COXFA4L2: variants seen among roughly 807,000 people sequenced by gnomAD.
COXFA4L2 encodes NADH dehydrogenase (ubiquinone) 1 alpha subcomplex, 4-like 2.
the COXFA4L2 span, chr12:57,240,116 C>T: frequency 8.5e-5 from 13 of 152,144 alleles, no homozygotes; most frequent in African/African-American, 3.1e-4. Context: ...GCCCCGGGGC[C>T]CCTGACCCCC....
the COXFA4L2 span, chr12:57,236,564 C>G: frequency 6.5e-7 from 1 of 1,536,592 alleles, no homozygotes. Flanking sequence ...CACCCAGGCC[C>G]CCGTGAGCAT....
the COXFA4L2 span, chr12:57,235,518 G>C: frequency 6.3e-7 from 1 of 1,599,702 alleles, no homozygotes; most frequent in South Asian, 1.1e-5. Context: ...GAAGTGGATG[G>C]GCTGGCTGGC....
the COXFA4L2 span, chr12:57,235,639 G>T: frequency 6.8e-6 from 11 of 1,613,994 alleles, no homozygotes; most frequent in South Asian, 1.2e-4. Flanking sequence ...GAGGGAAAGG[G>T]GGTTGCGCTG....
At chr12:57,238,435 G>A in the COXFA4L2 span, among the ~76,000 whole-genome samples, 311 of 152,232 alleles carry the variant, frequency 2.0e-3, 2 homozygotes, top group African/African-American at 7.1e-3. This position sits in a 1 kb window ranked among gnomAD's most constrained non-coding sequence, Gnocchi z 6.8. Flanking sequence ...GGGGCTGACG[G>A]GCTGTTAGAG....
chr12:57,238,870 C>G, the COXFA4L2 span, among the ~76,000 whole-genome samples: 1 of 152,200 alleles, frequency 6.6e-6, no homozygotes, highest in Non-Finnish European at 1.5e-5. The surrounding 1 kb of genome is among the most constrained non-coding windows in gnomAD (Gnocchi z 6.8). Context: ...TCTCCTGCTT[C>G]TGGTCCCTGT....
the COXFA4L2 span, chr12:57,236,523 T>C: frequency 7.4e-7 from 1 of 1,351,336 alleles, no homozygotes; most frequent in Non-Finnish European, 1.0e-6. Context: ...GGATCCCCAC[T>C]AGGGCCGCCT....
the COXFA4L2 span, chr12:57,236,600 C>G: frequency 1.9e-6 from 3 of 1,580,710 alleles, no homozygotes; most frequent in Non-Finnish European, 2.6e-6. Flanking sequence ...TACCAGACGT[C>G]GGGGCTGCGA....
chr12:57,235,488 G>T, the COXFA4L2 span: 1 of 1,500,620 alleles, frequency 6.7e-7, no homozygotes, highest in Non-Finnish European at 9.3e-7. Flanking sequence ...ATGCCTTGGG[G>T]CCTGCGGGGA....
chr12:57,240,652 T>G, the COXFA4L2 span: 5 of 984,306 alleles, frequency 5.1e-6, no homozygotes, highest in African/African-American at 1.7e-5. Flanking sequence ...GGCACACGCC[T>G]ACGCACTGTC....
the COXFA4L2 span, among the ~76,000 whole-genome samples, chr12:57,238,720 C>G: frequency 6.6e-6 from 1 of 152,202 alleles, no homozygotes; most frequent in Non-Finnish European, 1.5e-5. This position sits in a 1 kb window ranked among gnomAD's most constrained non-coding sequence, Gnocchi z 6.8. Context: ...TCCGGTGACC[C>G]CGGCCAGGTC....
At chr12:57,236,243 A>G in the COXFA4L2 span, 1 of 347,700 alleles carries the variant, frequency 2.9e-6, no homozygotes, top group Non-Finnish European at 5.2e-6. Context: ...ACTGGTCCCC[A>G]ATGCCACCCC....
chr12:57,238,519 C>T, the COXFA4L2 span, among the ~76,000 whole-genome samples: 1 of 152,274 alleles, frequency 6.6e-6, no homozygotes, highest in East Asian at 1.9e-4. This position sits in a 1 kb window ranked among gnomAD's most constrained non-coding sequence, Gnocchi z 6.8. Flanking sequence ...CTGTCACCCG[C>T]GCACCCCAGC....
At chr12:57,240,550 G>C in the COXFA4L2 span, 1 of 372,578 alleles carries the variant, frequency 2.7e-6, no homozygotes, top group African/African-American at 2.2e-5. Flanking sequence ...GTGGGGGCGG[G>C]AGACTCACCC....
At chr12:57,239,721 G>T in the COXFA4L2 span, 849 of 153,412 alleles carry the variant, frequency 5.5e-3, 6 homozygotes, top group African/African-American at 0.02. The surrounding 1 kb of genome is among the most constrained non-coding windows in gnomAD (Gnocchi z 5.5). Context: ...GTGTCTGTCT[G>T]CTCTCCCTCT....
the COXFA4L2 span, chr12:57,235,725 AACCCTAG>A: frequency 2.5e-6 from 4 of 1,610,554 alleles, no homozygotes; most frequent in South Asian, 4.4e-5. Flanking sequence ...GATGGGGGGC[AACCCTAG>A]AGCCATCGAG....
the COXFA4L2 span, chr12:57,235,684 A>C: frequency 1.2e-6 from 2 of 1,612,390 alleles, no homozygotes; most frequent in African/African-American, 1.3e-5. Flanking sequence ...CTAGTACGGG[A>C]GTTGTGGGTG....
the COXFA4L2 span, chr12:57,237,387 A>G: frequency 9.0e-6 from 12 of 1,329,618 alleles, no homozygotes; most frequent in East Asian, 3.3e-4. Flanking sequence ...TGAGGGAAGG[A>G]CCTCAGTGGC....
At chr12:57,235,073 G>A in the COXFA4L2 span, 66 of 163,850 alleles carry the variant, frequency 4.0e-4, 2 homozygotes, top group Middle Eastern at 9.1e-3. Context: ...AGTGCGCTGC[G>A]CCTCAGGAGG....
the COXFA4L2 span, chr12:57,235,452 A>T: frequency 1.7e-6 from 2 of 1,171,310 alleles, no homozygotes; most frequent in Non-Finnish European, 2.5e-6. Context: ...CTGTGTAAGC[A>T]GTAGCGGGAC....
Sources: gnomAD v4.1 joint callset for allele counts (sites outside exome capture counted in the v4.1 genomes callset) on GRCh38, gnomAD v4.1.1 for gene constraint, Gnocchi (gnomAD v3.1) non-coding constraint, MANE v1.5 for transcripts, NCBI Gene and HGNC (gene_info 2026-07-23, HGNC 2026-07-21) for gene names.